The following SSU72 variants were observed in gnomAD, a reference collection of about 807,000 sequenced individuals.
SSU72 encodes SSU72 homolog, RNA polymerase II CTD phosphatase, also known as RNA polymerase II subunit A C-terminal domain phosphatase SSU72.
Under a neutral mutation model 22.7 loss-of-function variants are expected in SSU72, and 12 were observed. The observed-to-expected ratio is 0.53, with a 90% CI of 0.34 to 0.86. The LOEUF is 0.86. Among genes scored for constraint, SSU72 ranks in the 40% least tolerant of loss-of-function variants. The probability of loss-of-function intolerance (pLI) is 0.02; values close to 1 mark genes in which losing one functional copy is unlikely to be tolerated. For synonymous variants in SSU72, 116 were observed against 98.3 expected (o/e 1.18, Z -1.06); for missense variants, 151 against 249.8 (o/e 0.60, Z 2.67).
chr1:1,565,364 C>T (rs1299014800), intron 1 of SSU72, among the ~76,000 whole-genome samples: 1 of 152,176 alleles, frequency 6.6e-6, no homozygotes, highest in Non-Finnish European at 1.5e-5. Flanking sequence ...CAGGCTGTAG[C>T]AAGTTACACA....
chr1:1,564,349 C>T, intron 2 of SSU72: 1 of 930,166 alleles, frequency 1.1e-6, no homozygotes, highest in Non-Finnish European at 1.5e-6. Context: ...AACGACCTCA[C>T]CAGATGTGTG....
chr1:1,562,055 G>C (rs1473028827), intron 2 of SSU72: 1 of 152,264 alleles, frequency 6.6e-6, no homozygotes, highest in Non-Finnish European at 1.5e-5. Context: ...ACTGGGCTCA[G>C]CTCCTTCTTT....
intron 2 of SSU72, chr1:1,562,418 CCAGCCCCAAACCAGACTCTTGAGCACG>C (rs1642604873): frequency 6.6e-6 from 1 of 152,282 alleles, no homozygotes; most frequent in South Asian, 2.1e-4. Flanking sequence ...ATGGGAAGAC[CCAGCCCCAAACCAGACTCTTGAGCACG>C]CAGCCCTAAA....
intron 3 of SSU72, 22 bp downstream of exon 3, chr1:1,544,841 C>A: frequency 6.2e-7 from 1 of 1,614,098 alleles, no homozygotes; most frequent in African/African-American, 1.3e-5. Context: ...GAGCCCAGCC[C>A]AGCACGCAGC....
intron 1 of SSU72, among the ~76,000 whole-genome samples, chr1:1,566,943 C>T (rs1257538112): frequency 6.6e-6 from 1 of 152,112 alleles, no homozygotes; most frequent in Non-Finnish European, 1.5e-5. Flanking sequence ...TGGAGTGTAA[C>T]CAGTCTCTAT....
In SSU72 at chr1:1,542,399, G is replaced by A. The variant is rs1642333671; in HGVS notation, c.484-232C>T. Among the ~76,000 whole-genome samples, 1 of 152,158 alleles carries A rather than the reference G, an allele frequency of 6.6e-6. No homozygotes were observed. Among genetic ancestry groups the A allele is most frequent in the East Asian group, 1.9e-4 (1 of 5,176 alleles). Reference sequence around the variant, plus strand: ...CTCACAGGACCTGAAGCTGGGAGGAGCTGGGAGGAGCCTGGAGCTGGATTC... The same window carrying A: ...CTCACAGGACCTGAAGCTGGGAGGAACTGGGAGGAGCCTGGAGCTGGATTC... On this transcript the variant is annotated intron_variant, in intron 4 of 4. Coordinates refer to ENST00000291386, the MANE Select transcript of SSU72 (RefSeq NM_014188.3). This position sits in a 1 kb window ranked among gnomAD's most constrained non-coding sequence, Gnocchi z 4.4.
At chr1:1,571,331 G>A (rs1475806639) in intron 1 of SSU72, among the ~76,000 whole-genome samples, 2 of 145,450 alleles carry the variant, frequency 1.4e-5, no homozygotes, top group East Asian at 2.0e-4. Flanking sequence ...TACTCGGAGG[G>A]TTTGAAGGAG....
intron 2 of SSU72, 78 bp from the exon 3 acceptor site, chr1:1,545,080 C>T: frequency 1.3e-6 from 2 of 1,535,244 alleles, no homozygotes; most frequent in Non-Finnish European, 1.8e-6. Context: ...CCTGGACACC[C>T]AGCCCCTTCC....
chr1:1,564,243 GCT>G, intron 2 of SSU72: 1 of 413,568 alleles, frequency 2.4e-6, no homozygotes. Flanking sequence ...GACCTAGCCT[GCT>G]CTGTGTCCTC....
At position 1,574,748 on chromosome 1, in the gene SSU72, C is replaced by T. The variant is rs561396571; in HGVS notation, c.-191G>A. ...TGGGCGCCGGGCCGCGGACGGAGCGCAGGCACTGGCCTTCGGGCGCGCTGC... is the reference window on the plus strand; with the variant it reads ...TGGGCGCCGGGCCGCGGACGGAGCGTAGGCACTGGCCTTCGGGCGCGCTGC... On this transcript the variant is annotated 5_prime_UTR_variant, in exon 1 of 5. Transcript: ENST00000291386. 2.7e-4 allele frequency: 100 copies of T among 365,606 alleles called. No homozygotes were observed. The highest frequency in any genetic ancestry group is 2.1e-3 in the African/African-American group (95 of 46,044). 22.6% of individuals were successfully genotyped at this position (365,606 alleles called of 1,614,324 possible).
chr1:1,548,165 T>C (rs1642414871), intron 2 of SSU72, among the ~76,000 whole-genome samples: 1 of 152,150 alleles, frequency 6.6e-6, no homozygotes, highest in Non-Finnish European at 1.5e-5. Context: ...GCACAGTCCC[T>C]GCGGCCTCAG....
intron 1 of SSU72, among the ~76,000 whole-genome samples, chr1:1,568,744 G>C (rs561250865): frequency 6.6e-6 from 1 of 151,338 alleles, no homozygotes; most frequent in African/African-American, 2.4e-5. Flanking sequence ...GACCAACATG[G>C]AGAAACCCCG....
At chr1:1,551,088 T>C (rs367702642) in intron 2 of SSU72, among the ~76,000 whole-genome samples, 36 of 152,108 alleles carry the variant, frequency 2.4e-4, no homozygotes, top group African/African-American at 8.4e-4. Context: ...ACGGGGACCT[T>C]CCATGTGGGT....
chr1:1,574,347 C>G, intron 1 of SSU72, 131 bp downstream of exon 1: 1 of 955,166 alleles, frequency 1.0e-6, no homozygotes. Flanking sequence ...GCCATCCCAA[C>G]CAGCCGACCC....
rs768946452 is a variant in SSU72, at chr1:1,544,765, T to C, written c.364+98A>G. 5.5e-5 allele frequency: 86 copies of C among 1,573,032 alleles called. No individual in the cohort carries two copies. In the Admixed American group the frequency reaches 1.4e-3, roughly 25 times the overall value. ...AGGTCTGCTCCCCGGCCCCCGCCAC[T>C]CTAGACGGGCTGTACTGGTCATGGT... On this transcript the variant is annotated intron_variant, in intron 3 of 4. Transcript: ENST00000291386.
intron 2 of SSU72, among the ~76,000 whole-genome samples, chr1:1,550,788 G>A (rs1164040423): frequency 4.6e-5 from 7 of 152,182 alleles, no homozygotes; most frequent in African/African-American, 1.7e-4. Flanking sequence ...GGTGCCGGCC[G>A]GAAGGCCTGG....
intron 2 of SSU72, among the ~76,000 whole-genome samples, chr1:1,550,050 C>T (rs1400727892): frequency 1.8e-5 from 2 of 110,898 alleles, no homozygotes; most frequent in East Asian, 5.0e-4. Flanking sequence ...TGGTGGTGCA[C>T]ACCTGTGATT....
intron 2 of SSU72, among the ~76,000 whole-genome samples, chr1:1,547,564 A>C (rs1570382457): frequency 6.6e-6 from 1 of 152,194 alleles, no homozygotes; most frequent in East Asian, 1.9e-4. Context: ...GACCAAAGGG[A>C]CCACAGACCA....
chr1:1,565,457 G>A (rs950549148), intron 1 of SSU72, among the ~76,000 whole-genome samples: 2 of 152,222 alleles, frequency 1.3e-5, no homozygotes, highest in South Asian at 2.1e-4. Context: ...AAACTGAAAG[G>A]ACTGACTGAT....
Sources: allele counts gnomAD v4.1 joint callset (sites outside exome capture counted in the v4.1 genomes callset), GRCh38; gene constraint gnomAD v4.1.1; non-coding constraint Gnocchi (gnomAD v3.1); transcripts MANE v1.5; gene names NCBI Gene and HGNC (gene_info 2026-07-23, HGNC 2026-07-21).